ARHGAP26: variants seen among roughly 807,000 people sequenced by gnomAD.
The protein encoded by ARHGAP26 is rho GTPase-activating protein 26.
Under a neutral mutation model 104.8 loss-of-function variants are expected in ARHGAP26, and 38 were observed. The ratio of observed to expected loss-of-function variants is 0.36; its 90% CI spans 0.28 to 0.48. The LOEUF (loss-of-function observed/expected upper bound fraction) is 0.48, where lower values mean the gene tolerates loss of function less well. ARHGAP26 is among the 20% of genes least tolerant of loss of function. The pLI is 0.99. For synonymous variants in ARHGAP26, 341 were observed against 340.0 expected (o/e 1.00, Z -0.03); for missense variants, 704 against 947.9 (o/e 0.74, Z 3.38).
intron 20 of ARHGAP26, chr5:143,165,537 A>C (rs1801817317): frequency 6.6e-6 from 1 of 152,184 alleles, no homozygotes; most frequent in Non-Finnish European, 1.5e-5. Context: ...TCCCAACTTT[A>C]TTAGTTGTTT....
chr5:143,044,118 A>G (rs967531851), intron 14 of ARHGAP26, among the ~76,000 whole-genome samples: 1 of 152,208 alleles, frequency 6.6e-6, no homozygotes, highest in Non-Finnish European at 1.5e-5. Context: ...AAAGTTCTCA[A>G]TAGTGGGATT....
At chr5:143,076,249 C>T (rs1386608344) in intron 17 of ARHGAP26, among the ~76,000 whole-genome samples, 2 of 149,664 alleles carry the variant, frequency 1.3e-5, no homozygotes, top group Admixed American at 1.3e-4. Context: ...CCTCCCACCT[C>T]AGCCTCTCAA....
At chr5:143,148,922 C>T (rs1385172931) in intron 20 of ARHGAP26, among the ~76,000 whole-genome samples, 6 of 152,148 alleles carry the variant, frequency 3.9e-5, no homozygotes, top group Non-Finnish European at 7.3e-5. Flanking sequence ...CAGCCGCTAC[C>T]AACTAGTGGT....
intron 1 of ARHGAP26, among the ~76,000 whole-genome samples, chr5:142,837,562 G>C (rs1769836397): frequency 6.6e-6 from 1 of 152,196 alleles, no homozygotes; most frequent in Non-Finnish European, 1.5e-5. Flanking sequence ...TGCTTCTCCT[G>C]CCTTGTGCCC....
intron 17 of ARHGAP26, among the ~76,000 whole-genome samples, chr5:143,119,892 TAA>T (rs796735888): frequency 4.2e-5 from 6 of 144,552 alleles, no homozygotes; most frequent in African/African-American, 1.0e-4. Context: ...TTTTCTTCCT[TAA>T]AAAAAAAAAA....
At chr5:143,181,791 A>G (rs1387912548) in intron 20 of ARHGAP26, among the ~76,000 whole-genome samples, 2 of 152,142 alleles carry the variant, frequency 1.3e-5, no homozygotes, top group Non-Finnish European at 2.9e-5. Context: ...TTTGTTTTTT[A>G]ATTCTTTAAC....
chr5:142,907,182 T>C (rs1052428187), intron 8 of ARHGAP26: 8 of 152,298 alleles, frequency 5.3e-5, no homozygotes, highest in African/African-American at 1.9e-4. Flanking sequence ...TCAGATCTTC[T>C]TGAGTTCTGC....
intron 20 of ARHGAP26, among the ~76,000 whole-genome samples, chr5:143,163,177 T>G (rs1348730701): frequency 6.6e-6 from 1 of 152,174 alleles, no homozygotes; most frequent in Non-Finnish European, 1.5e-5. Flanking sequence ...ATACTCTCCT[T>G]GCTGCTGCTC....
chr5:142,844,395 G>A (rs1771480274), intron 1 of ARHGAP26, among the ~76,000 whole-genome samples: 1 of 151,290 alleles, frequency 6.6e-6, no homozygotes, highest in African/African-American at 2.4e-5. Flanking sequence ...CCATGAATGA[G>A]TTAGCAGTTT....
intron 1 of ARHGAP26, chr5:142,860,595 G>A: frequency 6.6e-6 from 1 of 152,222 alleles, no homozygotes; most frequent in East Asian, 1.9e-4. Flanking sequence ...CCAGTCAGTT[G>A]TGTAGGCTTC....
chr5:142,862,148 G>A (rs998652975), intron 1 of ARHGAP26, among the ~76,000 whole-genome samples: 4 of 152,226 alleles, frequency 2.6e-5, no homozygotes, highest in African/African-American at 9.6e-5. Flanking sequence ...AGGGATTACA[G>A]GGAGGTGACA....
chr5:143,093,573 T>C (rs530091629), intron 17 of ARHGAP26, among the ~76,000 whole-genome samples: 2 of 152,120 alleles, frequency 1.3e-5, no homozygotes, highest in East Asian at 1.9e-4. Context: ...TCTCTTTCTC[T>C]CTCTCTGCCT....
At chr5:143,212,277 T>C (rs897571871) in intron 21 of ARHGAP26, among the ~76,000 whole-genome samples, 6 of 151,680 alleles carry the variant, frequency 4.0e-5, no homozygotes, top group Admixed American at 6.6e-5. Context: ...TCCATTTGCC[T>C]GTCAGTATAG....
chr5:142,871,296 T>A lies in ARHGAP26; in HGVS notation c.155-2104T>A, dbSNP rs1054429003. Among the ~76,000 whole-genome samples the A allele has an allele frequency of 3.3e-5, 5 of 152,214 alleles. No individual in the cohort carries two copies. Among genetic ancestry groups the A allele is most frequent in the Non-Finnish European group, 7.3e-5 (5 of 68,034 alleles). ...TGCAGAAGCCTCACAAAGGCCCCGTTGTGCATGACCAGCCACTCCCTGATC... is the reference window on the plus strand; with the variant it reads ...TGCAGAAGCCTCACAAAGGCCCCGTAGTGCATGACCAGCCACTCCCTGATC... On this transcript the variant is annotated intron_variant, in intron 1 of 22. Coordinates refer to ENST00000645722, the MANE Select transcript of ARHGAP26 (RefSeq NM_001135608.3). The surrounding 1 kb of genome is among the most constrained non-coding windows in gnomAD (Gnocchi z 4.1).
At chr5:143,057,480 C>A (rs1304921960) in intron 16 of ARHGAP26, among the ~76,000 whole-genome samples, 162 bp from the exon 17 acceptor site, 1 of 152,142 alleles carries the variant, frequency 6.6e-6, no homozygotes, top group South Asian at 2.1e-4. Flanking sequence ...ACTTCCAGAT[C>A]TAGTCATGCT....
intron 14 of ARHGAP26, among the ~76,000 whole-genome samples, chr5:143,050,301 A>T (rs1404445578): frequency 6.6e-6 from 1 of 151,152 alleles, no homozygotes; most frequent in Non-Finnish European, 1.5e-5. Flanking sequence ...CTGCAAATTC[A>T]GCATCACTGT....
chr5:143,019,678 G>A (rs1352247957), intron 12 of ARHGAP26, among the ~76,000 whole-genome samples: 1 of 152,210 alleles, frequency 6.6e-6, no homozygotes, highest in Non-Finnish European at 1.5e-5. Flanking sequence ...GTGCAAGGGA[G>A]TAAGAGAAGG....
At chr5:143,009,391 C>G (rs370165201) in intron 11 of ARHGAP26, among the ~76,000 whole-genome samples, 1 of 152,104 alleles carries the variant, frequency 6.6e-6, no homozygotes, top group Non-Finnish European at 1.5e-5. Context: ...GGAGACAGAC[C>G]GTGGGAGTTC....
At chr5:143,106,173 G>A (rs1793985228) in intron 17 of ARHGAP26, among the ~76,000 whole-genome samples, 1 of 152,138 alleles carries the variant, frequency 6.6e-6, no homozygotes, top group Admixed American at 6.5e-5. Context: ...CAGGATTGTG[G>A]TGTGGCTTTC....
Sources: allele counts gnomAD v4.1 joint callset (sites outside exome capture counted in the v4.1 genomes callset), GRCh38; gene constraint gnomAD v4.1.1; non-coding constraint Gnocchi (gnomAD v3.1); transcripts MANE v1.5; gene names NCBI Gene and HGNC (gene_info 2026-07-23, HGNC 2026-07-21).